Variants in OR4F15 observed in about 807,000 individuals in gnomAD.
OR4F15 encodes olfactory receptor family 4 subfamily F member 15.
A neutral mutation model predicts 11.9 loss-of-function variants in OR4F15; 7 were observed. The observed-to-expected ratio is 0.59, with a 90% CI of 0.33 to 1.10. The LOEUF (loss-of-function observed/expected upper bound fraction) is 1.10, where lower values mean the gene tolerates loss of function less well. Ranked by LOEUF, OR4F15 falls within the 50% of genes least tolerant of loss-of-function variation. OR4F15 has a pLI of 0.03. For missense variants in OR4F15, 445 were observed against 377.5 expected (o/e 1.18, Z -1.48); for synonymous variants, 151 against 134.6 (o/e 1.12, Z -0.84).
chr15:101,819,166 C>A lies in OR4F15; in HGVS notation c.*41C>A. ...AGATGTGTAACTATGGATTACTCCT[C>A]ATGCTGATTGCATAAAAGAAACTGC... On this transcript the variant is annotated 3_prime_UTR_variant, in exon 2 of 2. Coordinates refer to ENST00000332238, the MANE Select transcript of OR4F15 (RefSeq NM_001001674.2). 7.5e-7 allele frequency: 1 copy of A among 1,329,032 alleles called. No homozygotes were observed. The highest frequency in any genetic ancestry group is 1.4e-5 in the South Asian group (1 of 71,260). 82.3% of individuals were successfully genotyped at this position (1,329,032 alleles called of 1,614,324 possible).
chr15:101,815,155 C>G (rs1305732965), intron 1 of OR4F15, among the ~76,000 whole-genome samples: 1 of 152,140 alleles, frequency 6.6e-6, no homozygotes, highest in Non-Finnish European at 1.5e-5. Context: ...TTGCACAACT[C>G]TTACTTAAAA....
At position 101,819,367 on chromosome 15, in the gene OR4F15, G is replaced by A; in HGVS notation, c.*242G>A. 1 of 448,262 alleles carries A rather than the reference G, an allele frequency of 2.2e-6. No homozygotes were observed. The highest frequency in any genetic ancestry group is 3.9e-6 in the Non-Finnish European group (1 of 254,482). The allele number at this position is 448,262 out of a possible 1,614,324, so 27.8% of individuals were successfully genotyped here. A position where few individuals can be genotyped will look rare whatever the true frequency, so the allele number is the denominator to read the frequency against. ...GTAACCTACCACTTTGAAAGACCTT[G>A]TTCTAGGTGAGTGCCATGTAATTGA... On this transcript the variant is annotated 3_prime_UTR_variant, in exon 2 of 2. Transcript: ENST00000332238.
intron 1 of OR4F15, among the ~76,000 whole-genome samples, chr15:101,815,643 A>T (rs1902975895): frequency 6.6e-6 from 1 of 152,134 alleles, no homozygotes; most frequent in African/African-American, 2.4e-5. Flanking sequence ...TGTGACACAA[A>T]AATTGCATTT....
At chr15:101,817,016 T>C (rs1172258691) in intron 1 of OR4F15, among the ~76,000 whole-genome samples, 2 of 152,184 alleles carry the variant, frequency 1.3e-5, no homozygotes, top group Non-Finnish European at 2.9e-5. Flanking sequence ...TATCTTATGG[T>C]ATCCTCTAGG....
intron 1 of OR4F15, among the ~76,000 whole-genome samples, chr15:101,816,132 G>T (rs1902984994): frequency 6.6e-6 from 1 of 152,080 alleles, no homozygotes; most frequent in Admixed American, 6.6e-5. Context: ...CTAATTCCTG[G>T]ATCTGGCAAA....
intron 1 of OR4F15, among the ~76,000 whole-genome samples, chr15:101,813,444 G>T (rs1220836640): frequency 1.3e-5 from 2 of 151,220 alleles, no homozygotes; most frequent in Non-Finnish European, 2.9e-5. Flanking sequence ...AGGAGGTGGA[G>T]GTTGCAGTGA....
rs1427833778 is a variant in OR4F15, at chr15:101,818,768, A to G, written c.582A>G (p.Glu194=). 1 of 1,614,176 alleles carries G rather than the reference A, an allele frequency of 6.2e-7. No homozygotes were observed. Among genetic ancestry groups the G allele is most frequent in the Non-Finnish European group, 8.5e-7 (1 of 1,180,006 alleles). Residue 194 remains glutamate (E), a synonymous_variant, in exon 2 of 2, where the codon GAA becomes GAG. Coordinates refer to ENST00000332238, the MANE Select transcript of OR4F15 (RefSeq NM_001001674.2). ...GACTTGCCTGTACCAACACCCAAGA[A>G]CTGGAGTTCATGGTCACTGTCAATA... ...LLRLACTNTQ[E]LEFMVTVNSG...
rs572556632 is a variant in OR4F15 at position 101,812,261 on chromosome 15, A to G, written c.-49A>G. ...ATAAACTAGATAAACTTCAGCTGCA[A>G]GAAAGACTCAGGTAACAGTTTGTTA... On this transcript the variant is annotated 5_prime_UTR_variant, in exon 1 of 2. Transcript: ENST00000332238. 1 of 152,240 alleles carries G rather than the reference A, an allele frequency of 6.6e-6. No homozygotes were observed. Among genetic ancestry groups the G allele is most frequent in the African/African-American group, 2.4e-5 (1 of 41,464 alleles). 9.4% of individuals were successfully genotyped at this position (152,240 alleles called of 1,614,324 possible). A position where few individuals can be genotyped will look rare whatever the true frequency, so the allele number is the denominator to read the frequency against.
chr15:101,818,356 C>G lies in OR4F15; in HGVS notation c.170C>G (p.Ser57Cys), dbSNP rs766474682. 1 of 1,614,072 alleles carries G rather than the reference C, an allele frequency of 6.2e-7. No individual in the cohort carries two copies. Among genetic ancestry groups the G allele is most frequent in the Non-Finnish European group, 8.5e-7 (1 of 1,179,942 alleles). ...FTVTMDAHLH[S>C]PMYFLLANLS... is the part of the protein sequence containing the mutation. ...GTAACCATGGATGCTCATCTGCACT[C>G]CCCCATGTATTTCCTCCTGGCTAAC... Residue 57 changes from serine to cysteine, a missense_variant, in exon 2 of 2, where the codon TCC becomes TGC. Ser to Cys is a moderately radical substitution (Grantham distance 112, BLOSUM62 -1). Coordinates refer to ENST00000332238, the MANE Select transcript of OR4F15 (RefSeq NM_001001674.2).
intron 1 of OR4F15, among the ~76,000 whole-genome samples, chr15:101,815,330 A>C (rs1902970303): frequency 6.6e-6 from 1 of 152,170 alleles, no homozygotes; most frequent in Non-Finnish European, 1.5e-5. Flanking sequence ...TAAGCCAACA[A>C]ATCTCCCCAG....
chr15:101,817,230 G>C (rs774322143), intron 1 of OR4F15, among the ~76,000 whole-genome samples: 11 of 152,070 alleles, frequency 7.2e-5, no homozygotes, highest in Admixed American at 3.9e-4. Flanking sequence ...TCTTTGAGTG[G>C]TTAAATAAGT....
Position 101,818,622 on chromosome 15 carries a change from G to GC in OR4F15, c.438dup (p.Thr147HisfsTer26). On this transcript the variant is annotated frameshift_variant, in exon 2 of 2. Coordinates refer to ENST00000332238, the MANE Select transcript of OR4F15 (RefSeq NM_001001674.2). LOFTEE classifies it high-confidence loss of function. ...CCCAAGAATGTGTCTATACTTTTTA[G>GC]CCACTTCCTCTATCATTGGCCTTAT... 1 of 1,614,094 alleles carries GC rather than the reference G, an allele frequency of 6.2e-7. No individual in the cohort carries two copies. Among genetic ancestry groups the GC allele is most frequent in the Non-Finnish European group, 8.5e-7 (1 of 1,180,014 alleles).
At position 101,818,306 on chromosome 15, in the gene OR4F15, G is replaced by A; in HGVS notation, c.120G>A (p.Met40Ile). ...FSLLFYFASM[M>I]GNLVIVFTVT... Reference sequence around the variant, plus strand: ...TGTTGTTCTACTTTGCGAGCATGATGGGAAACCTTGTCATTGTATTCACTG... The same window carrying A: ...TGTTGTTCTACTTTGCGAGCATGATAGGAAACCTTGTCATTGTATTCACTG... The change falls in exon 2 of 2, where the codon ATG becomes ATA. Residue 40 changes from methionine to isoleucine, a missense_variant. Transcript: ENST00000332238. The A allele has an allele frequency of 6.2e-7, 1 of 1,613,984 alleles. No individual in the cohort carries two copies. Among genetic ancestry groups the A allele is most frequent in the Non-Finnish European group, 8.5e-7 (1 of 1,179,906 alleles).
At position 101,819,657 on chromosome 15, in the gene OR4F15, GCGCC is replaced by G. The variant is rs1903069717; in HGVS notation, c.*534_*537del. ...AGCCTCCTGAGGGCTGGGATTACAG[GCGCC>G]CATCACAACCCCTGGCTAATTTTTG... On this transcript the variant is annotated 3_prime_UTR_variant, in exon 2 of 2. Coordinates refer to ENST00000332238, the MANE Select transcript of OR4F15 (RefSeq NM_001001674.2). The G allele has an allele frequency of 6.6e-6, 1 of 152,456 alleles. No homozygotes were observed. 9.4% of individuals were successfully genotyped at this position (152,456 alleles called of 1,614,324 possible).
At chr15:101,813,026 A>C (rs1902931314) in intron 1 of OR4F15, among the ~76,000 whole-genome samples, 1 of 152,196 alleles carries the variant, frequency 6.6e-6, no homozygotes. Flanking sequence ...GAGGTGAATA[A>C]AACTAGAGGG....
At chr15:101,815,843 G>A (rs1902979914) in intron 1 of OR4F15, among the ~76,000 whole-genome samples, 1 of 152,154 alleles carries the variant, frequency 6.6e-6, no homozygotes, top group Non-Finnish European at 1.5e-5. Flanking sequence ...CATGTTGGTT[G>A]ACTAATGATC....
chr15:101,818,280 T>C lies in OR4F15; in HGVS notation c.94T>C (p.Leu32=). The C allele has an allele frequency of 3.7e-6, 6 of 1,613,984 alleles. No individual in the cohort carries two copies. Among genetic ancestry groups the C allele is most frequent in the Non-Finnish European group, 5.1e-6 (6 of 1,179,854 alleles). Residue 32 remains leucine, a synonymous_variant, in exon 2 of 2, where the codon TTG becomes CTG. Transcript: ENST00000332238. The part of the protein sequence containing the change: ...EIQLLLFVFS[L]LFYFASMMGN... Reference sequence around the variant, plus strand: ...TCAGCTTCTACTTTTTGTTTTCTCTTTGTTGTTCTACTTTGCGAGCATGAT... The same window carrying C: ...TCAGCTTCTACTTTTTGTTTTCTCTCTGTTGTTCTACTTTGCGAGCATGAT...
Position 101,819,338 on chromosome 15 carries a change from T to A in OR4F15, c.*213T>A. 2 of 501,022 alleles carry A rather than the reference T, an allele frequency of 4.0e-6. No individual in the cohort carries two copies. Among genetic ancestry groups the A allele is most frequent in the Non-Finnish European group, 3.5e-6 (1 of 285,610 alleles). The allele number at this position is 501,022 out of a possible 1,614,324, so 31.0% of individuals were successfully genotyped here. A position where few individuals can be genotyped will look rare whatever the true frequency, so the allele number is the denominator to read the frequency against. ...GTGCTAAATATTAAATCTTAATGTCTTTTGTAACCTACCACTTTGAAAGAC... is the reference window on the plus strand; with the variant it reads ...GTGCTAAATATTAAATCTTAATGTCATTTGTAACCTACCACTTTGAAAGAC... On this transcript the variant is annotated 3_prime_UTR_variant, in exon 2 of 2. Transcript: ENST00000332238.
rs778801661 is a variant in OR4F15, at chr15:101,818,649, C to T, written c.463C>T (p.His155Tyr). ...LATSSIIGLIHSLVQLVFVVD... is the reference protein window; with the variant it reads ...LATSSIIGLIYSLVQLVFVVD... Reference sequence around the variant, plus strand: ...CACTTCCTCTATCATTGGCCTTATCCACTCATTGGTCCAATTAGTTTTTGT... The same window carrying T: ...CACTTCCTCTATCATTGGCCTTATCTACTCATTGGTCCAATTAGTTTTTGT... The change falls in exon 2 of 2, where the codon CAC becomes TAC. Residue 155 changes from histidine (H) to tyrosine (Y), a missense_variant. By Grantham distance (83) the His-to-Tyr change is moderately conservative (BLOSUM62 2). Coordinates refer to ENST00000332238, the MANE Select transcript of OR4F15 (RefSeq NM_001001674.2). 2.5e-6 allele frequency: 4 copies of T among 1,613,938 alleles called. No individual in the cohort carries two copies. The highest frequency in any genetic ancestry group is 1.6e-4 in the Middle Eastern group (1 of 6,062).
Sources: allele counts gnomAD v4.1 joint callset (sites outside exome capture counted in the v4.1 genomes callset), GRCh38; gene constraint gnomAD v4.1.1; transcripts MANE v1.5; gene names NCBI Gene and HGNC (gene_info 2026-07-23, HGNC 2026-07-21).